The following PCDHA5 variants were observed in gnomAD, a reference collection of about 807,000 sequenced individuals.
PCDHA5 encodes protocadherin alpha-5.
Under a neutral mutation model 61.6 loss-of-function variants are expected in PCDHA5, and 43 were observed. That is an observed-to-expected ratio of 0.70 (90% CI 0.55 to 0.90). The LOEUF (loss-of-function observed/expected upper bound fraction) is 0.90, where lower values mean the gene tolerates loss of function less well. Ranked by LOEUF, PCDHA5 falls within the 40% of genes least tolerant of loss-of-function variation. The probability of loss-of-function intolerance (pLI) is 0.00; values close to 1 mark genes in which losing one functional copy is unlikely to be tolerated. For synonymous variants in PCDHA5, 627 were observed against 543.9 expected (o/e 1.15, Z -2.13); for missense variants, 1,298 against 1,222.7 (o/e 1.06, Z -0.92).
At chr5:140,920,411 T>G (rs533328116) in intron 1 of PCDHA5, among the ~76,000 whole-genome samples, 39 of 152,352 alleles carry the variant, frequency 2.6e-4, no homozygotes, top group Middle Eastern at 3.4e-3. Flanking sequence ...TTTAATCAGA[T>G]ACAGCTGTTC....
At chr5:140,876,697 C>T in intron 1 of PCDHA5, 2 of 1,614,226 alleles carry the variant, frequency 1.2e-6, no homozygotes, top group Middle Eastern at 1.6e-4. Context: ...CTCGTTGGTG[C>T]TGGACAGCGC....
intron 1 of PCDHA5, chr5:140,834,530 G>A: frequency 6.2e-7 from 1 of 1,614,068 alleles, no homozygotes; most frequent in Non-Finnish European, 8.5e-7. Context: ...GCCGCATCGC[G>A]CAGGACCTGG....
intron 1 of PCDHA5, chr5:140,829,898 T>C (rs2150177238): frequency 2.5e-6 from 4 of 1,613,830 alleles, no homozygotes; most frequent in African/African-American, 2.7e-5. Context: ...CGACTCAGGC[T>C]ACAACGCGTG....
At chr5:140,885,176 G>A (rs965470861) in intron 1 of PCDHA5, among the ~76,000 whole-genome samples, 1 of 151,510 alleles carries the variant, frequency 6.6e-6, no homozygotes. Context: ...TGTCCTCTAG[G>A]CACATCAGTG....
intron 1 of PCDHA5, among the ~76,000 whole-genome samples, chr5:140,941,226 T>TCTTTCTTTCTTTCTTTCTTTCTTC (rs2092915713): frequency 1.5e-5 from 2 of 135,514 alleles, no homozygotes; most frequent in Admixed American, 7.6e-5. Flanking sequence ...TTTCTTTCTT[T>TCTTTCTTTCTTTCTTTCTTTCTTC]CTTTCTTTCT....
intron 1 of PCDHA5, among the ~76,000 whole-genome samples, chr5:140,897,257 T>C (rs1554187284): frequency 6.6e-6 from 1 of 151,916 alleles, no homozygotes; most frequent in Non-Finnish European, 1.5e-5. Context: ...TATGTATACA[T>C]GTGCCATGCT....
In PCDHA5 at chr5:140,822,988, T is replaced by G. The variant is rs1314541728; in HGVS notation, c.1213T>G (p.Ser405Ala). The change falls in exon 1 of 4, where the codon TCG (serine) becomes GCG (alanine). Residue 405 changes from serine to alanine, a missense_variant. Physicochemically the swap from Ser to Ala is moderately conservative, Grantham distance 99 (BLOSUM62 1). Transcript: ENST00000529859. The part of the protein sequence containing the change: ...KLVSTFKNYY[S>A]LVLDSALDRE... ...GGTGTCCACCTTCAAGAATTACTAC[T>G]CGTTGGTGCTGGACAGCGCCCTGGA... The G allele has an allele frequency of 6.2e-7, 1 of 1,614,104 alleles. No individual in the cohort carries two copies. Among genetic ancestry groups the G allele is most frequent in the African/African-American group, 1.3e-5 (1 of 74,948 alleles).
chr5:140,871,234 G>T (rs1554165295), intron 1 of PCDHA5: 3 of 1,613,844 alleles, frequency 1.9e-6, no homozygotes, highest in Non-Finnish European at 2.5e-6. Flanking sequence ...CAGCCTCCTG[G>T]TACTCACGCT....
At chr5:140,830,524 T>G in intron 1 of PCDHA5, 1 of 1,314,736 alleles carries the variant, frequency 7.6e-7, no homozygotes. Context: ...ATTTTTATTT[T>G]AAATTTATAA....
chr5:140,829,152 C>T lies in PCDHA5; in HGVS notation c.2352+5025C>T. ...AACGTCCCTGAGATAGCACTGACTT[C>T]CTTATCCTTGCCTGTACGTGAAGAC... is the stretch of plus-strand genomic sequence containing the variant. On this transcript the variant is annotated intron_variant, in intron 1 of 3. Coordinates refer to ENST00000529859, the MANE Select transcript of PCDHA5 (RefSeq NM_018908.3). 1 of 1,613,972 alleles carries T rather than the reference C, an allele frequency of 6.2e-7. No homozygotes were observed. Among genetic ancestry groups the T allele is most frequent in the Non-Finnish European group, 8.5e-7 (1 of 1,179,830 alleles).
At chr5:140,991,991 T>C (rs1420188681) in intron 3 of PCDHA5, among the ~76,000 whole-genome samples, 1 of 151,444 alleles carries the variant, frequency 6.6e-6, no homozygotes, top group Admixed American at 6.6e-5. Context: ...TACCACCCGG[T>C]CTTTCATGTT....
At chr5:140,929,038 C>T in intron 1 of PCDHA5, 2 of 1,614,158 alleles carry the variant, frequency 1.2e-6, no homozygotes, top group South Asian at 1.1e-5. Context: ...CTGTTGCGCT[C>T]AGAGCTGCTG....
Position 140,852,810 on chromosome 5 carries a change from C to T in PCDHA5, c.2352+28683C>T, listed in dbSNP as rs2150522687. On this transcript the variant is annotated intron_variant, in intron 1 of 3. Transcript: ENST00000529859. The stretch of plus-strand genomic sequence containing the variant: ...GATGCTACAGATGTCATTTGTCTCC[C>T]GCCCTAAGTCCTCCAGTCTCCTTAG... 3.4e-5 allele frequency: 33 copies of T among 973,688 alleles called. 1 individual carries two copies. The highest frequency in any genetic ancestry group is 1.4e-4 in the South Asian group (3 of 20,896). The allele number at this position is 973,688 out of a possible 1,614,324, so 60.3% of individuals were successfully genotyped here. A position where few individuals can be genotyped will look rare whatever the true frequency, so the allele number is the denominator to read the frequency against.
At position 140,848,431 on chromosome 5, in the gene PCDHA5, A is replaced by T; in HGVS notation, c.2352+24304A>T. On this transcript the variant is annotated intron_variant, in intron 1 of 3. Transcript: ENST00000529859. ...GAACACAGCAGAATGGGACTGACGAAATCAGATGATTTCTTCTAATTTGGA... is the reference window on the plus strand; with the variant it reads ...GAACACAGCAGAATGGGACTGACGATATCAGATGATTTCTTCTAATTTGGA... 2.7e-6 allele frequency: 4 copies of T among 1,467,178 alleles called. 2 individuals are homozygous for T. The highest frequency in any genetic ancestry group is 3.7e-6 in the Non-Finnish European group (4 of 1,073,724). 90.9% of individuals were successfully genotyped at this position (1,467,178 alleles called of 1,614,324 possible). A position where few individuals can be genotyped will look rare whatever the true frequency, so the allele number is the denominator to read the frequency against.
intron 1 of PCDHA5, chr5:140,829,672 G>T: frequency 6.2e-7 from 1 of 1,613,008 alleles, no homozygotes; most frequent in South Asian, 1.1e-5. Context: ...ACCACGAGGA[G>T]CTAGAGCTGC....
intron 1 of PCDHA5, among the ~76,000 whole-genome samples, chr5:140,946,255 A>C (rs1554217419): frequency 6.6e-6 from 1 of 152,084 alleles, no homozygotes; most frequent in Non-Finnish European, 1.5e-5. Context: ...GAATCATCAG[A>C]AAAATGCGAA....
chr5:140,992,845 C>T (rs2097530741), intron 3 of PCDHA5, among the ~76,000 whole-genome samples: 1 of 152,148 alleles, frequency 6.6e-6, no homozygotes, highest in African/African-American at 2.4e-5. Context: ...TTTTGTATAA[C>T]AACCAGTTTC....
chr5:140,927,401 G>A lies in PCDHA5; in HGVS notation c.2353-51548G>A, dbSNP rs782140870. On this transcript the variant is annotated intron_variant, in intron 1 of 3. Transcript: ENST00000529859. ...AGCCTAAGCCCCAGTCAGCACTTTCGCCTGGACATGGGATCGCGGGTTGAC... is the reference window on the plus strand; with the variant it reads ...AGCCTAAGCCCCAGTCAGCACTTTCACCTGGACATGGGATCGCGGGTTGAC... The A allele has an allele frequency of 1.9e-6, 3 of 1,614,192 alleles. No homozygotes were observed. Among genetic ancestry groups the A allele is most frequent in the Non-Finnish European group, 2.5e-6 (3 of 1,180,036 alleles).
chr5:140,850,469 G>A lies in PCDHA5; in HGVS notation c.2352+26342G>A, dbSNP rs2150485500. 6.3e-6 allele frequency: 10 copies of A among 1,597,768 alleles called. 2 individuals carry two copies. The highest frequency in any genetic ancestry group is 8.6e-6 in the Non-Finnish European group (10 of 1,167,634). On this transcript the variant is annotated intron_variant, in intron 1 of 3. Transcript: ENST00000529859. Reference sequence around the variant, plus strand: ...TGGTGAAAGACCACGGGGAGCCAGCGCTGACGGCCACGGCCACTGTGCTGG... The same window carrying A: ...TGGTGAAAGACCACGGGGAGCCAGCACTGACGGCCACGGCCACTGTGCTGG...
Sources: allele counts gnomAD v4.1 joint callset (sites outside exome capture counted in the v4.1 genomes callset), GRCh38; gene constraint gnomAD v4.1.1; transcripts MANE v1.5; gene names NCBI Gene and HGNC (gene_info 2026-07-23, HGNC 2026-07-21).